MST1R: variants seen among roughly 807,000 people sequenced by gnomAD.
The protein encoded by MST1R is macrophage-stimulating protein receptor.
A neutral mutation model predicts 117.8 loss-of-function variants in MST1R; 99 were observed. The observed-to-expected ratio is 0.84, with a 90% confidence interval of 0.71 to 0.99. The LOEUF is 0.99. Ranked by LOEUF, MST1R falls within the 50% of genes least tolerant of loss-of-function variation. MST1R has a pLI of 0.00. For missense variants in MST1R, 1,683 were observed against 1,840.2 expected (o/e 0.91, Z 1.56); for synonymous variants, 734 against 765.3 (o/e 0.96, Z 0.68).
chr3:49,888,179 G>A (rs542167751), intron 19 of MST1R, among the ~76,000 whole-genome samples: 112 of 152,330 alleles, frequency 7.4e-4, no homozygotes, highest in Non-Finnish European at 8.2e-4. Flanking sequence ...GCTCACGCCT[G>A]TAATCCCAGC....
At chr3:49,901,550 T>A (rs2082677145) in intron 1 of MST1R, among the ~76,000 whole-genome samples, 1 of 152,028 alleles carries the variant, frequency 6.6e-6, no homozygotes, top group South Asian at 2.1e-4. Flanking sequence ...CCTTTACTTA[T>A]CCCCAGATGT....
In MST1R at chr3:49,890,065, G is replaced by C. The variant is rs749544887; in HGVS notation, c.3811-5C>G. On this transcript the variant is annotated splice_polypyrimidine_tract_variant and splice_region_variant and intron_variant, in intron 18 of 19. Coordinates refer to ENST00000296474, the MANE Select transcript of MST1R (RefSeq NM_002447.4). ...CAGCAGCACACCAAATGACCACTGT[G>C]GAAAGGGGGAGGTGAGGGGACTCAA... The C allele has an allele frequency of 5.6e-6, 9 of 1,594,752 alleles. No homozygotes were observed. In the South Asian group the frequency reaches 1.0e-4, roughly 18 times the overall value.
Position 49,903,807 on chromosome 3 carries a change from C to T in MST1R, c.-198G>A. The T allele has an allele frequency of 3.0e-6, 2 of 657,060 alleles. No individual in the cohort carries two copies. The highest frequency in any genetic ancestry group is 4.9e-6 in the Non-Finnish European group (2 of 407,322). The allele number at this position is 657,060 out of a possible 1,614,324, so 40.7% of individuals were successfully genotyped here. On this transcript the variant is annotated 5_prime_UTR_variant, in exon 1 of 20. Transcript: ENST00000296474. ...CCGGCCCTCGGGTCTGAGCACCTGA[C>T]GCCTGCGGACGCACGACAGCAACGC...
At position 49,887,033 on chromosome 3, in the gene MST1R, T is replaced by C. The variant is rs1437322102; in HGVS notation, c.*274A>G. The C allele has an allele frequency of 1.9e-6, 1 of 518,140 alleles. No homozygotes were observed. The highest frequency in any genetic ancestry group is 3.4e-6 in the Non-Finnish European group (1 of 292,526). 32.1% of individuals were successfully genotyped at this position (518,140 alleles called of 1,614,324 possible). A position where few individuals can be genotyped will look rare whatever the true frequency, so the allele number is the denominator to read the frequency against. On this transcript the variant is annotated 3_prime_UTR_variant, in exon 20 of 20. Coordinates refer to ENST00000296474, the MANE Select transcript of MST1R (RefSeq NM_002447.4). The stretch of plus-strand genomic sequence containing the variant: ...CTTTAATAGTCATTTGTTCCTTTAT[T>C]GGTTCAAGGGTCAGTGTTGGTGTGG...
Position 49,900,183 on chromosome 3 carries a change from C to G in MST1R, c.1231-920G>C, listed in dbSNP as rs74673185. Among the ~76,000 whole-genome samples the G allele has an allele frequency of 3.6e-3, 543 of 152,312 alleles. 4 individuals carry two copies. The highest frequency in any genetic ancestry group is 0.012 in the African/African-American group (495 of 41,552). ...TACTCCTGGCTGCTTCCTATACCCCCCTTCAGGGTACAAAAGGGATAAACC... is the reference window on the plus strand; with the variant it reads ...TACTCCTGGCTGCTTCCTATACCCCGCTTCAGGGTACAAAAGGGATAAACC... On this transcript the variant is annotated intron_variant, in intron 1 of 19. Coordinates refer to ENST00000296474, the MANE Select transcript of MST1R (RefSeq NM_002447.4).
Position 49,902,683 on chromosome 3 carries a change from C to G in MST1R, c.927G>C (p.Arg309=), listed in dbSNP as rs1247205768. ...DCRFAPKRRR[R]GAPEGGQPYP... ...AGGGCTGTCCGCCTTCTGGGGCCCC[C>G]CGGCGCCTGCGTTTTGGAGCAAATC... Residue 309 remains arginine, a synonymous_variant, in exon 1 of 20, where the codon CGG becomes CGC. Coordinates refer to ENST00000296474, the MANE Select transcript of MST1R (RefSeq NM_002447.4). 1 of 1,613,434 alleles carries G rather than the reference C, an allele frequency of 6.2e-7. No homozygotes were observed. The highest frequency in any genetic ancestry group is 8.5e-7 in the Non-Finnish European group (1 of 1,180,026).
chr3:49,897,497 C>T (rs2082518122), intron 6 of MST1R, 23 bp downstream of exon 6: 1 of 1,611,334 alleles, frequency 6.2e-7, no homozygotes, highest in South Asian at 1.1e-5. Flanking sequence ...GCCAAGGGCA[C>T]AGACAGGGCA....
chr3:49,897,629 C>T lies in MST1R; in HGVS notation c.1937G>A (p.Gly646Asp), dbSNP rs754518664. 15 of 1,614,154 alleles carry T rather than the reference C, an allele frequency of 9.3e-6. No individual in the cohort carries two copies. Among genetic ancestry groups the T allele is most frequent in the Non-Finnish European group, 1.0e-5 (12 of 1,180,038 alleles). ...EEFECELEPL[G>D]TQAVGPTNVS... ...GTTGGTAGGCCCCACTGCCTGGGTG[C>T]CCAAGGGCTCCAGTTCACACTCAAA... Residue 646 changes from glycine (G) to aspartate (D), a missense_variant, in exon 6 of 20, where the codon GGC (glycine) becomes GAC (aspartate). Transcript: ENST00000296474.
At position 49,899,139 on chromosome 3, in the gene MST1R, T is replaced by C; in HGVS notation, c.1355A>G (p.Tyr452Cys). The change falls in exon 2 of 20, where the codon TAT (tyrosine) becomes TGT (cysteine). Residue 452 changes from tyrosine to cysteine, a missense_variant. Tyr to Cys is a radical substitution (Grantham distance 194, BLOSUM62 -2). Transcript: ENST00000296474. Reference protein sequence around the residue: ...LLGPVQVTALYVTRLDNVTVA... With the variant: ...LLGPVQVTALCVTRLDNVTVA... ...TGTGACGTTGTCAAGGCGTGTCACATACAATGCAGTGACCTGTACTGGTCC... is the reference window on the plus strand; with the variant it reads ...TGTGACGTTGTCAAGGCGTGTCACACACAATGCAGTGACCTGTACTGGTCC... The C allele has an allele frequency of 6.2e-7, 1 of 1,614,144 alleles. No homozygotes were observed. Among genetic ancestry groups the C allele is most frequent in the Non-Finnish European group, 8.5e-7 (1 of 1,180,020 alleles).
Position 49,896,204 on chromosome 3 carries a change from A to C in MST1R, c.2640T>G (p.Ile880Met). 4 of 1,613,982 alleles carry C rather than the reference A, an allele frequency of 2.5e-6. No individual in the cohort carries two copies. The highest frequency in any genetic ancestry group is 2.5e-6 in the Non-Finnish European group (3 of 1,179,976). Reference protein sequence around the residue: ...LVPLKPEEHAIKFEYIGLGAV... With the variant: ...LVPLKPEEHAMKFEYIGLGAV... ...TATCCCTTACACTTACCTCAAACTT[A>C]ATGGCATGCTCCTCAGGCTTCAGTG... The change falls in exon 10 of 20, where the codon ATT (isoleucine) becomes ATG (methionine). Residue 880 changes from isoleucine (I) to methionine (M), a missense_variant. Transcript: ENST00000296474.
At position 49,887,565 on chromosome 3, in the gene MST1R, G is replaced by C. The variant is rs780462226; in HGVS notation, c.3948-3C>G. 6.2e-7 allele frequency: 1 copy of C among 1,613,184 alleles called. No individual in the cohort carries two copies. Among genetic ancestry groups the C allele is most frequent in the East Asian group, 2.2e-5 (1 of 44,886 alleles). On this transcript the variant is annotated splice_polypyrimidine_tract_variant and splice_region_variant and intron_variant, in intron 19 of 19. Coordinates refer to ENST00000296474, the MANE Select transcript of MST1R (RefSeq NM_002447.4). ...AGCATTGCTGCATCACTTGGTACCT[G>C]TTGGGGGAAAGGGATGTCAGGTTAA...
rs921427647 is a variant in MST1R, at chr3:49,899,395, C to T, written c.1231-132G>A. On this transcript the variant is annotated intron_variant, in intron 1 of 19. Transcript: ENST00000296474. The stretch of plus-strand genomic sequence containing the variant: ...GGCCTGACTGGAGAAGGCCCTGGGC[C>T]TGCCGGTTACCATCCCACATTGCCC... 7 of 931,550 alleles carry T rather than the reference C, an allele frequency of 7.5e-6. No homozygotes were observed. In the African/African-American group the frequency reaches 1.2e-4, roughly 15 times the overall value. The allele number at this position is 931,550 out of a possible 1,614,324, so 57.7% of individuals were successfully genotyped here. A position where few individuals can be genotyped will look rare whatever the true frequency, so the allele number is the denominator to read the frequency against.
rs138579438 is a variant in MST1R at position 49,902,381 on chromosome 3, G to A, written c.1229C>T (p.Pro410Leu). ...FFQSPSFCPN[P>L]PGLEALSPNT... ...TAAGGGCCCCTTCTTTCAGCTTACC[G>A]GGTTGGGGCAAAAACTGGGCGACTG... is the stretch of plus-strand genomic sequence containing the variant. Residue 410 changes from proline (P) to leucine (L), a missense_variant and splice_region_variant, in exon 1 of 20, where the codon CCG becomes CTG. Pro to Leu is a moderately conservative substitution (Grantham distance 98). Transcript: ENST00000296474. 7.5e-4 allele frequency: 1,207 copies of A among 1,612,926 alleles called. 11 individuals are homozygous for A. In the African/African-American group the frequency reaches 0.015, roughly 20 times the overall value.
rs774161979 is a variant in MST1R, at chr3:49,896,711, C to G, written c.2345+18G>C. The G allele has an allele frequency of 1.6e-5, 25 of 1,603,700 alleles. No homozygotes were observed. Among genetic ancestry groups the G allele is most frequent in the Admixed American group, 3.4e-5 (2 of 58,588 alleles). On this transcript the variant is annotated intron_variant, in intron 8 of 19. Transcript: ENST00000296474. ...CTCATTCCCCAGAGGCCAGAGTGGG[C>G]AAAGAGGCAGTGCTTACATGTAGCC... is the stretch of plus-strand genomic sequence containing the variant.
chr3:49,903,186 G>T lies in MST1R; in HGVS notation c.424C>A (p.Arg142Ser). 1 of 1,605,470 alleles carries T rather than the reference G, an allele frequency of 6.2e-7. No homozygotes were observed. Residue 142 changes from arginine to serine, a missense_variant, in exon 1 of 20, where the codon CGC (arginine) becomes AGC (serine). Physicochemically the swap from Arg to Ser is moderately radical, Grantham distance 110. Coordinates refer to ENST00000296474, the MANE Select transcript of MST1R (RefSeq NM_002447.4). Reference sequence around the variant, plus strand: ...GGCTCTAGGTCATGCAGGAAGCAGCGGCCCTGCAGGCTGGAGCCACAACTG... The same window carrying T: ...GGCTCTAGGTCATGCAGGAAGCAGCTGCCCTGCAGGCTGGAGCCACAACTG... The part of the protein sequence containing the change: ...LVSCGSSLQG[R>S]CFLHDLEPQG...
Position 49,891,346 on chromosome 3 carries a change from C to T in MST1R, c.3535-40G>A, listed in dbSNP as rs2082309169. ...GGGTTGGTGGGCAAGGGCACAGCAG[C>T]TCCTTCTCCAGCTGCTGCCCAGCCC... On this transcript the variant is annotated intron_variant, in intron 16 of 19. Coordinates refer to ENST00000296474, the MANE Select transcript of MST1R (RefSeq NM_002447.4). The T allele has an allele frequency of 1.9e-6, 3 of 1,613,634 alleles. No homozygotes were observed. The South Asian group carries it at 3.3e-5, about 18-fold the overall frequency.
chr3:49,893,152 G>A (rs1281761953), intron 14 of MST1R, among the ~76,000 whole-genome samples: 2 of 147,076 alleles, frequency 1.4e-5, no homozygotes, highest in South Asian at 2.2e-4. Context: ...GGTGGTGCAC[G>A]TCTGTAATCC....
Position 49,887,026 on chromosome 3 carries a change from C to T in MST1R, c.*281G>A. 2.0e-6 allele frequency: 1 copy of T among 504,112 alleles called. No homozygotes were observed. The highest frequency in any genetic ancestry group is 3.5e-6 in the Non-Finnish European group (1 of 283,780). The allele number at this position is 504,112 out of a possible 1,614,324, so 31.2% of individuals were successfully genotyped here. On this transcript the variant is annotated 3_prime_UTR_variant, in exon 20 of 20. Coordinates refer to ENST00000296474, the MANE Select transcript of MST1R (RefSeq NM_002447.4). The stretch of plus-strand genomic sequence containing the variant: ...ATTTGTGCTTTAATAGTCATTTGTT[C>T]CTTTATTGGTTCAAGGGTCAGTGTT...
chr3:49,888,858 G>A (rs2082235119), intron 19 of MST1R, among the ~76,000 whole-genome samples: 1 of 152,190 alleles, frequency 6.6e-6, no homozygotes, highest in Non-Finnish European at 1.5e-5. Context: ...AGAAGGGCTG[G>A]ACTGCTGAAG....
Sources: gnomAD v4.1 joint callset for allele counts (sites outside exome capture counted in the v4.1 genomes callset) on GRCh38, gnomAD v4.1.1 for gene constraint, MANE v1.5 for transcripts, NCBI Gene and HGNC (gene_info 2026-07-23, HGNC 2026-07-21) for gene names.